The following CARS2 variants were observed in gnomAD, a reference collection of about 807,000 sequenced individuals.
The protein encoded by CARS2 is probable cysteine--tRNA ligase, mitochondrial.
Under a neutral mutation model 68.8 loss-of-function variants are expected in CARS2, and 52 were observed. The ratio of observed to expected loss-of-function variants is 0.76; its 90% CI spans 0.61 to 0.95. The LOEUF (loss-of-function observed/expected upper bound fraction) is 0.95, where lower values mean the gene tolerates loss of function less well. Among genes scored for constraint, CARS2 ranks in the 40% least tolerant of loss-of-function variants. The pLI is 0.00. For missense variants in CARS2, 780 were observed against 754.2 expected (o/e 1.03, Z -0.40); for synonymous variants, 314 against 303.6 (o/e 1.03, Z -0.36).
At position 110,668,837 on chromosome 13, in the gene CARS2, A is replaced by G. The variant is rs2062724206; in HGVS notation, c.786-1364T>C. Reference sequence around the variant, plus strand: ...TCAGAGAAGGCTCAGAAGGAACAACAATAATGGTCTCTTCATTATTTAATC... The same window carrying G: ...TCAGAGAAGGCTCAGAAGGAACAACGATAATGGTCTCTTCATTATTTAATC... On this transcript the variant is annotated intron_variant, in intron 7 of 14. Coordinates refer to ENST00000257347, the MANE Select transcript of CARS2 (RefSeq NM_024537.4). This position sits in a 1 kb window ranked among gnomAD's most constrained non-coding sequence, Gnocchi z 4.1. Among the ~76,000 whole-genome samples the G allele has an allele frequency of 6.6e-6, 1 of 152,244 alleles. No individual in the cohort carries two copies.
Position 110,701,482 on chromosome 13 carries a change from C to A in CARS2, c.349G>T (p.Gly117Cys). 1 of 1,584,412 alleles carries A rather than the reference C, an allele frequency of 6.3e-7. No homozygotes were observed. The highest frequency in any genetic ancestry group is 8.7e-7 in the Non-Finnish European group (1 of 1,152,864). Residue 117 changes from glycine (G) to cysteine (C), a missense_variant, in exon 3 of 15, where the codon GGT (glycine) becomes TGT (cysteine). By Grantham distance (159) the Gly-to-Cys change is radical (BLOSUM62 -3). Coordinates refer to ENST00000257347, the MANE Select transcript of CARS2 (RefSeq NM_024537.4). The stretch of plus-strand genomic sequence containing the variant: ...ATTTTATCATCTACATCTGTAATAC[C>A]CATCACCATGACTATGCTGCATCCA... Reference protein sequence around the residue: ...VFGCSIVMVMGITDVDDKIIK... With the variant: ...VFGCSIVMVMCITDVDDKIIK...
intron 2 of CARS2, among the ~76,000 whole-genome samples, chr13:110,703,949 G>A (rs1280447375): frequency 6.6e-6 from 1 of 152,240 alleles, no homozygotes; most frequent in African/African-American, 2.4e-5. Flanking sequence ...GAGGCAGAGA[G>A]CTCATGACTG....
intron 3 of CARS2, among the ~76,000 whole-genome samples, chr13:110,694,750 GC>G (rs762566859): frequency 2.1e-4 from 32 of 152,124 alleles, no homozygotes; most frequent in Non-Finnish European, 3.8e-4. Context: ...ATAAAATGGT[GC>G]CAAAAATTAA....
rs779707454 is a variant in CARS2 at position 110,712,920 on chromosome 13, T to C, written n.399+217A>G. 8 of 1,553,522 alleles carry C rather than the reference T, an allele frequency of 5.1e-6. No homozygotes were observed. In the Admixed American group the frequency reaches 5.7e-5, roughly 11 times the overall value. On this transcript the variant is annotated intron_variant and non_coding_transcript_variant, in intron 1 of 2. Transcript: ENST00000485188. ...GACACAAAGGGAGGGCGGTGACGGA[T>C]GGCGCAGGCGCGGGAGCCGCCTAGG...
chr13:110,669,712 G>A (rs1017734074), intron 7 of CARS2, among the ~76,000 whole-genome samples: 1 of 152,104 alleles, frequency 6.6e-6, no homozygotes, highest in South Asian at 2.1e-4. Flanking sequence ...ACTGGGGCTC[G>A]TCAGACAGTG....
intron 2 of CARS2, among the ~76,000 whole-genome samples, chr13:110,704,580 C>T (rs1335020033): frequency 5.3e-5 from 8 of 151,970 alleles, no homozygotes; most frequent in African/African-American, 1.5e-4. Context: ...AAAAATTAGC[C>T]GGGCGTGGTG....
intron 5 of CARS2, among the ~76,000 whole-genome samples, chr13:110,687,335 T>C (rs558079907): frequency 6.6e-6 from 1 of 152,158 alleles, no homozygotes; most frequent in Non-Finnish European, 1.5e-5. Context: ...AGCTGATAAA[T>C]ACATCCAGTT....
chr13:110,663,551 TG>T, intron 8 of CARS2, 33 bp from the exon 9 acceptor site: 1 of 1,609,074 alleles, frequency 6.2e-7, no homozygotes, highest in Admixed American at 1.7e-5. Flanking sequence ...CAGTCTGAGC[TG>T]GGTGAGGAGA....
At chr13:110,706,881 T>G (rs1382676600), upstream of CARS2, among the ~76,000 whole-genome samples, 1 of 144,620 alleles carries the variant, frequency 6.9e-6, no homozygotes, top group Non-Finnish European at 1.5e-5. Flanking sequence ...CCCAACACAG[T>G]GCACCCCGAT....
At chr13:110,661,030 G>A (rs2062490214) in intron 9 of CARS2, among the ~76,000 whole-genome samples, 1 of 152,162 alleles carries the variant, frequency 6.6e-6, no homozygotes, top group African/African-American at 2.4e-5. Context: ...AAAGTGCTGG[G>A]ATTACAAACG....
intron 1 of CARS2, chr13:110,713,050 C>G: frequency 6.8e-7 from 1 of 1,468,456 alleles, no homozygotes; most frequent in Non-Finnish European, 9.0e-7. Context: ...TGCGCCGCCA[C>G]TTCCGCCCGT....
chr13:110,662,577 G>A (rs1055326423), intron 9 of CARS2, among the ~76,000 whole-genome samples: 3 of 152,204 alleles, frequency 2.0e-5, no homozygotes, highest in African/African-American at 7.2e-5. Context: ...GAGGCTCCCC[G>A]GTGGGAGAAT....
chr13:110,667,465 A>G lies in CARS2; in HGVS notation c.794T>C (p.Phe265Ser). Residue 265 changes from phenylalanine to serine, a missense_variant, in exon 8 of 15, where the codon TTT becomes TCT. Phe to Ser is a radical substitution (Grantham distance 155). Transcript: ENST00000257347. Reference protein sequence around the residue: ...IECSAIASMVFGSQLDIHSGG... With the variant: ...IECSAIASMVSGSQLDIHSGG... ...TGAATGGATATCCAGTTGACTTCCA[A>G]ATACCATACTGCAAGACACAGTGCA... is the stretch of plus-strand genomic sequence containing the variant. 1 of 1,613,864 alleles carries G rather than the reference A, an allele frequency of 6.2e-7. No homozygotes were observed. Among genetic ancestry groups the G allele is most frequent in the Non-Finnish European group, 8.5e-7 (1 of 1,179,878 alleles).
intron 8 of CARS2, chr13:110,664,044 C>T (rs1390351240): frequency 2.0e-6 from 2 of 985,136 alleles, no homozygotes; most frequent in Non-Finnish European, 2.4e-6. Context: ...ATTATTTCAT[C>T]CCCTATGTAT....
chr13:110,667,384 A>T lies in CARS2; in HGVS notation c.875T>A (p.Val292Asp), dbSNP rs778341096. Residue 292 changes from valine (V) to aspartate (D), a missense_variant, in exon 8 of 15, where the codon GTC (valine) becomes GAC (aspartate). Transcript: ENST00000257347. Reference sequence around the variant, plus strand: ...TCCCCACTGCTCGCACTGATGAAAGACTTCGCACTGTGCAATTTCGTTTTC... The same window carrying T: ...TCCCCACTGCTCGCACTGATGAAAGTCTTCGCACTGTGCAATTTCGTTTTC... ...HHENEIAQCEVFHQCEQWGNY... is the reference protein window; with the variant it reads ...HHENEIAQCEDFHQCEQWGNY... 1.2e-6 allele frequency: 2 copies of T among 1,613,780 alleles called. No individual in the cohort carries two copies. Among genetic ancestry groups the T allele is most frequent in the South Asian group, 2.2e-5 (2 of 91,056 alleles).
chr13:110,668,498 C>T lies in CARS2; in HGVS notation c.786-1025G>A, dbSNP rs896469828. The stretch of plus-strand genomic sequence containing the variant: ...CGGAGCTTGCAGTGAGCCGAGATCG[C>T]GCCACTGCACTCCAGCCTGGGTGAC... On this transcript the variant is annotated intron_variant, in intron 7 of 14. Transcript: ENST00000257347. The surrounding 1 kb of genome is among the most constrained non-coding windows in gnomAD (Gnocchi z 4.1). 9.9e-5 allele frequency among the ~76,000 whole-genome samples: 15 copies of T among 151,180 alleles called. No homozygotes were observed. Among genetic ancestry groups the T allele is most frequent in the East Asian group, 3.9e-4 (2 of 5,130 alleles).
chr13:110,644,098 T>C (rs1887769405), intron 13 of CARS2: 2 of 1,330,840 alleles, frequency 1.5e-6, no homozygotes, highest in African/African-American at 3.0e-5. Context: ...CTGAGAGTCT[T>C]TGAACATAAA....
At chr13:110,675,693 A>T (rs776966644) in intron 7 of CARS2, among the ~76,000 whole-genome samples, 3 of 152,064 alleles carry the variant, frequency 2.0e-5, no homozygotes, top group Non-Finnish European at 2.9e-5. Flanking sequence ...GTACCCTAGA[A>T]GTTAAAATAT....
At chr13:110,692,003 A>AATATATAT (rs71127965) in intron 3 of CARS2, among the ~76,000 whole-genome samples, 2 of 91,594 alleles carry the variant, frequency 2.2e-5, no homozygotes, top group African/African-American at 4.1e-5. Context: ...AAAAAAAAAA[A>AATATATAT]ATATATATAT....
Sources: gnomAD v4.1 joint callset for allele counts (sites outside exome capture counted in the v4.1 genomes callset) on GRCh38, gnomAD v4.1.1 for gene constraint, Gnocchi (gnomAD v3.1) non-coding constraint, MANE v1.5 for transcripts, NCBI Gene and HGNC (gene_info 2026-07-23, HGNC 2026-07-21) for gene names.